Variants in PGPEP1L observed in about 807,000 individuals in gnomAD.
PGPEP1L encodes the protein pyroglutamyl-peptidase I like.
PGPEP1L carries 7 observed loss-of-function variants against 6.0 expected under a neutral mutation model. The observed-to-expected ratio is 1.17, with a 90% CI of 0.66 to 2.19. The LOEUF is 2.19. Among genes scored for constraint, PGPEP1L ranks in the 30% most tolerant of loss-of-function variants. The probability of loss-of-function intolerance (pLI) is 0.00; values close to 1 mark genes in which losing one functional copy is unlikely to be tolerated. For synonymous variants in PGPEP1L, 103 were observed against 83.9 expected (o/e 1.23, Z -1.24); for missense variants, 209 against 192.5 (o/e 1.09, Z -0.51).
At chr15:98,985,717 C>T (rs1404543152) in intron 2 of PGPEP1L, among the ~76,000 whole-genome samples, 1 of 152,244 alleles carries the variant, frequency 6.6e-6, no homozygotes, top group Admixed American at 6.5e-5. Flanking sequence ...GGTATGTGCC[C>T]TCAGGCCAGA....
chr15:98,969,775 T>C (rs1024023997), intron 3 of PGPEP1L, 124 bp from the exon 4 acceptor site: 4 of 935,002 alleles, frequency 4.3e-6, no homozygotes, highest in Non-Finnish European at 6.5e-6. Flanking sequence ...AAACCCCAAA[T>C]CCACTGGGAA....
chr15:98,996,638 G>A (rs1259348977), intron 2 of PGPEP1L, among the ~76,000 whole-genome samples: 2 of 152,084 alleles, frequency 1.3e-5, no homozygotes, highest in Non-Finnish European at 2.9e-5. Flanking sequence ...TGTGTTGTGT[G>A]CATGTTGTAT....
intron 2 of PGPEP1L, among the ~76,000 whole-genome samples, chr15:98,972,355 AAAATAAATAAATAAAT>A (rs34372599): frequency 2.0e-4 from 29 of 144,734 alleles, no homozygotes; most frequent in East Asian, 8.1e-4. Context: ...CTCCGTCTCA[AAAATAAATAAATAAAT>A]AAATAAATAA....
At chr15:99,002,343 A>C (rs782088417) in intron 2 of PGPEP1L, among the ~76,000 whole-genome samples, 1 of 152,170 alleles carries the variant, frequency 6.6e-6, no homozygotes, top group Non-Finnish European at 1.5e-5. Flanking sequence ...TGGAGAACAG[A>C]CTAATGGTTG....
At chr15:98,999,067 C>G (rs913615941) in intron 2 of PGPEP1L, among the ~76,000 whole-genome samples, 1 of 152,156 alleles carries the variant, frequency 6.6e-6, no homozygotes, top group East Asian at 1.9e-4. Context: ...AAACCAAAAG[C>G]AGGCTGCATA....
Position 98,971,151 on chromosome 15 carries a change from G to C in PGPEP1L, c.-134C>G, listed in dbSNP as rs772297769. 8.0e-6 allele frequency: 12 copies of C among 1,495,650 alleles called. No individual in the cohort carries two copies. In the African/African-American group the frequency reaches 1.7e-4, roughly 21 times the overall value. The allele number at this position is 1,495,650 out of a possible 1,614,324, so 92.6% of individuals were successfully genotyped here. On this transcript the variant is annotated 5_prime_UTR_variant, in exon 3 of 5. Transcript: ENST00000535714. ...TGTTTCATTCCCCAGGCCCAGCTTGGAGAGCTCCTGAGGAAAGCGGCAGGT... is the reference window on the plus strand; with the variant it reads ...TGTTTCATTCCCCAGGCCCAGCTTGCAGAGCTCCTGAGGAAAGCGGCAGGT...
chr15:98,988,338 G>A (rs1300615317), intron 2 of PGPEP1L, among the ~76,000 whole-genome samples: 3 of 152,110 alleles, frequency 2.0e-5, no homozygotes, highest in East Asian at 1.9e-4. Context: ...GGCCTAAGTA[G>A]GTAGTTTTAC....
At chr15:99,000,135 C>T (rs1237783061) in intron 2 of PGPEP1L, among the ~76,000 whole-genome samples, 1 of 152,248 alleles carries the variant, frequency 6.6e-6, no homozygotes, top group Non-Finnish European at 1.5e-5. Context: ...GCGGGCCCCG[C>T]ACTGGGAGTG....
At position 98,969,513 on chromosome 15, in the gene PGPEP1L, C is replaced by A; in HGVS notation, c.121G>T (p.Val41Leu). 5 of 1,614,062 alleles carry A rather than the reference C, an allele frequency of 3.1e-6. No homozygotes were observed. Among genetic ancestry groups the A allele is most frequent in the Non-Finnish European group, 4.2e-6 (5 of 1,179,910 alleles). Reference protein sequence around the residue: ...GGVCLPGSPDVLESGVCMKAV... With the variant: ...GGVCLPGSPDLLESGVCMKAV... ...TTCATGCAGACCCCTGACTCCAGCACGTCTGGGCTGCCAGGTAGGCACACG... is the reference window on the plus strand; with the variant it reads ...TTCATGCAGACCCCTGACTCCAGCAAGTCTGGGCTGCCAGGTAGGCACACG... Residue 41 changes from valine to leucine, a missense_variant, in exon 4 of 5, where the codon GTG becomes TTG. By Grantham distance (32) the Val-to-Leu change is conservative (BLOSUM62 1). Coordinates refer to ENST00000535714, the MANE Select transcript of PGPEP1L (RefSeq NM_001167902.2).
At position 98,971,861 on chromosome 15, in the gene PGPEP1L, T is replaced by G. The variant is rs1030352416; in HGVS notation, c.-141-703A>C. Among the ~76,000 whole-genome samples the G allele has an allele frequency of 2.0e-5, 3 of 152,222 alleles. No individual in the cohort carries two copies. The South Asian group carries it at 6.2e-4, about 32-fold the overall frequency. The stretch of plus-strand genomic sequence containing the variant: ...ACAGTTGGTTGAGAGATAGGCAACA[T>G]AAAAAGATAAAACTGAAACACTAAA... On this transcript the variant is annotated intron_variant, in intron 2 of 4. Transcript: ENST00000535714.
chr15:98,979,487 C>T (rs2017623585), intron 2 of PGPEP1L, among the ~76,000 whole-genome samples: 1 of 152,066 alleles, frequency 6.6e-6, no homozygotes, highest in African/African-American at 2.4e-5. Flanking sequence ...TTTGCAATTG[C>T]AGAAATGTGA....
chr15:98,981,122 C>T (rs769068034), intron 2 of PGPEP1L, among the ~76,000 whole-genome samples: 1 of 152,106 alleles, frequency 6.6e-6, no homozygotes, highest in Non-Finnish European at 1.5e-5. Context: ...ATGAGAAAAG[C>T]AGCAGAAAAG....
intron 2 of PGPEP1L, among the ~76,000 whole-genome samples, chr15:99,002,823 CTG>C (rs1466180663): frequency 7.4e-6 from 1 of 135,518 alleles, no homozygotes; most frequent in Non-Finnish European, 1.6e-5. Context: ...CCTCTGATTC[CTG>C]TGACATTTCC....
rs557767700 is a variant in PGPEP1L, at chr15:98,983,801, G to A, written c.-141-12643C>T. Among the ~76,000 whole-genome samples, 6 of 152,242 alleles carry A rather than the reference G, an allele frequency of 3.9e-5. No individual in the cohort carries two copies. The East Asian group carries it at 1.2e-3, about 29-fold the overall frequency. ...TCTTTTCCTTGTGAACTTTTAGCAT[G>A]TATAATAATCTGTCTGTATTTTTCT... On this transcript the variant is annotated intron_variant, in intron 2 of 4. Transcript: ENST00000535714.
At chr15:99,004,810 G>A (rs1315840899) in intron 2 of PGPEP1L, among the ~76,000 whole-genome samples, 5 of 151,966 alleles carry the variant, frequency 3.3e-5, no homozygotes, top group Admixed American at 6.6e-5. Context: ...GTGGGTGGGG[G>A]TGACTCTGGA....
chr15:99,004,643 A>AGGC (rs2018022475), intron 2 of PGPEP1L, among the ~76,000 whole-genome samples: 1 of 152,078 alleles, frequency 6.6e-6, no homozygotes, highest in Non-Finnish European at 1.5e-5. Context: ...GCTTGAACCC[A>AGGC]GGAGGCGGAG....
chr15:98,970,675 G>A (rs939572952), intron 3 of PGPEP1L, among the ~76,000 whole-genome samples: 1 of 152,184 alleles, frequency 6.6e-6, no homozygotes, highest in Admixed American at 6.5e-5. Flanking sequence ...TGGGCACAGA[G>A]GTCCTTGCCT....
At chr15:98,977,907 T>C (rs559077693) in intron 2 of PGPEP1L, among the ~76,000 whole-genome samples, 8 of 152,306 alleles carry the variant, frequency 5.3e-5, no homozygotes, top group East Asian at 3.9e-4. Context: ...CCATGGTTCA[T>C]TGAATGCTTA....
chr15:98,989,425 G>A (rs2202837), intron 2 of PGPEP1L, among the ~76,000 whole-genome samples: 3,890 of 152,184 alleles, frequency 0.026, 157 homozygotes, highest in African/African-American at 0.087. Context: ...GAGAACACAC[G>A]ATTAGAGAAA....
Sources: allele counts gnomAD v4.1 joint callset (sites outside exome capture counted in the v4.1 genomes callset), GRCh38; gene constraint gnomAD v4.1.1; transcripts MANE v1.5; gene names NCBI Gene and HGNC (gene_info 2026-07-23, HGNC 2026-07-21).